Variants in SCAF8 observed in about 807,000 individuals in gnomAD.
The protein encoded by SCAF8 is SR-related and CTD-associated factor 8.
A neutral mutation model predicts 140.5 loss-of-function variants in SCAF8; 23 were observed. That is an observed-to-expected ratio of 0.16 (90% CI 0.12 to 0.23). The LOEUF (loss-of-function observed/expected upper bound fraction) is 0.23, where lower values mean the gene tolerates loss of function less well. Among genes scored for constraint, SCAF8 ranks in the 10% least tolerant of loss-of-function variants. The pLI is 1.00. For synonymous variants in SCAF8, 575 were observed against 528.9 expected (o/e 1.09, Z -1.20); for missense variants, 1,397 against 1,555.7 (o/e 0.90, Z 1.72).
Position 154,748,010 on chromosome 6 carries a change from C to T in SCAF8, c.30+14080C>T, listed in dbSNP as rs932450592. ...TTGAAAGTTGTTTACATTTTAATTG[C>T]AGAGAGGATTCTTGTTGGGAAAGTT... On this transcript the variant is annotated intron_variant, in intron 1 of 19. Transcript: ENST00000367178. Among the ~76,000 whole-genome samples, 5 of 151,216 alleles carry T rather than the reference C, an allele frequency of 3.3e-5. No homozygotes were observed. In the East Asian group the frequency reaches 5.8e-4, roughly 18 times the overall value.
chr6:154,831,166 A>G lies in SCAF8; in HGVS notation c.2359+26A>G, dbSNP rs369956570. The G allele has an allele frequency of 1.1e-5, 16 of 1,408,154 alleles. No homozygotes were observed. The African/African-American group carries it at 2.0e-4, about 18-fold the overall frequency. 87.2% of individuals were successfully genotyped at this position (1,408,154 alleles called of 1,614,324 possible). ...GTAAATAATAATAATAAAATTTAAA[A>G]AAAGAGGTTGCCTCTCTGTATTTGG... On this transcript the variant is annotated intron_variant, in intron 19 of 19. Coordinates refer to ENST00000367178, the MANE Select transcript of SCAF8 (RefSeq NM_014892.5).
chr6:154,765,931 G>A (rs1206200843), intron 1 of SCAF8, among the ~76,000 whole-genome samples: 1 of 152,098 alleles, frequency 6.6e-6, no homozygotes, highest in East Asian at 1.9e-4. Flanking sequence ...CCCCCGTGTA[G>A]CTGAAAATCA....
chr6:154,742,125 A>G lies in SCAF8; in HGVS notation c.30+8195A>G, dbSNP rs1778585265. The G allele has an allele frequency of 1.5e-5, 11 of 717,050 alleles. No individual in the cohort carries two copies. In the South Asian group the frequency reaches 1.8e-4, roughly 12 times the overall value. The allele number at this position is 717,050 out of a possible 1,614,324, so 44.4% of individuals were successfully genotyped here. On this transcript the variant is annotated intron_variant, in intron 1 of 19. Coordinates refer to ENST00000367178, the MANE Select transcript of SCAF8 (RefSeq NM_014892.5). ...ATATGGTTAGTACTTGGGAAGCAGAATGAAGTTTGTCACTTAGAATAGATT... is the reference window on the plus strand; with the variant it reads ...ATATGGTTAGTACTTGGGAAGCAGAGTGAAGTTTGTCACTTAGAATAGATT...
chr6:154,743,357 A>G (rs906469810), intron 1 of SCAF8, among the ~76,000 whole-genome samples: 1 of 152,344 alleles, frequency 6.6e-6, no homozygotes, highest in Middle Eastern at 3.4e-3. Context: ...ATTTCTTGTA[A>G]AATACAGCTT....
At chr6:154,734,143 A>G (rs1206573562) in intron 1 of SCAF8, among the ~76,000 whole-genome samples, 1 of 152,004 alleles carries the variant, frequency 6.6e-6, no homozygotes, top group East Asian at 1.9e-4. Flanking sequence ...CCTGGGGCGG[A>G]GGGAGGTTCT....
intron 1 of SCAF8, among the ~76,000 whole-genome samples, chr6:154,757,157 C>A (rs1778987271): frequency 6.6e-6 from 1 of 152,160 alleles, no homozygotes; most frequent in Non-Finnish European, 1.5e-5. Flanking sequence ...CCACTACGCC[C>A]AGCTAATTTT....
intron 4 of SCAF8, among the ~76,000 whole-genome samples, chr6:154,790,574 A>G (rs898393319): frequency 1.6e-5 from 2 of 123,808 alleles, no homozygotes; most frequent in Non-Finnish European, 3.1e-5. Context: ...GCAGTGGTGT[A>G]ATCTCGGCTC....
chr6:154,799,743 A>G (rs959999309), intron 6 of SCAF8, among the ~76,000 whole-genome samples: 1 of 151,212 alleles, frequency 6.6e-6, no homozygotes, highest in African/African-American at 2.4e-5. Context: ...GTCTTTGTTT[A>G]AATGTCACTT....
intron 1 of SCAF8, among the ~76,000 whole-genome samples, chr6:154,756,720 C>G (rs1778974586): frequency 6.6e-6 from 1 of 152,124 alleles, no homozygotes; most frequent in African/African-American, 2.4e-5. Context: ...GTGAAACATT[C>G]TGTTGCATTG....
chr6:154,816,959 A>G (rs1778267925), intron 13 of SCAF8, among the ~76,000 whole-genome samples: 1 of 152,160 alleles, frequency 6.6e-6, no homozygotes, highest in Non-Finnish European at 1.5e-5. Flanking sequence ...TTGGTTATGG[A>G]TTTCAACTTG....
chr6:154,790,731 C>T (rs757464958), intron 4 of SCAF8, among the ~76,000 whole-genome samples: 47 of 151,928 alleles, frequency 3.1e-4, no homozygotes, highest in Admixed American at 1.2e-3. Flanking sequence ...AAGATGGTCT[C>T]GATCTCCTGA....
intron 3 of SCAF8, among the ~76,000 whole-genome samples, chr6:154,781,770 T>G (rs1027407581): frequency 6.6e-6 from 1 of 152,158 alleles, no homozygotes; most frequent in Non-Finnish European, 1.5e-5. Flanking sequence ...ACCCAGAGTG[T>G]TTTTGTGTGA....
At chr6:154,785,888 A>G (rs1777236873) in intron 3 of SCAF8, among the ~76,000 whole-genome samples, 1 of 152,210 alleles carries the variant, frequency 6.6e-6, no homozygotes, top group Non-Finnish European at 1.5e-5. Context: ...AAAATAAGAA[A>G]TTGGAAATTA....
intron 3 of SCAF8, among the ~76,000 whole-genome samples, chr6:154,780,655 G>C (rs1777059563): frequency 1.3e-5 from 2 of 151,958 alleles, no homozygotes; most frequent in African/African-American, 4.8e-5. Flanking sequence ...AGTTTGCTGA[G>C]GATGATGGCT....
chr6:154,774,943 G>A (rs1014850072), intron 2 of SCAF8, among the ~76,000 whole-genome samples: 1 of 152,048 alleles, frequency 6.6e-6, no homozygotes, highest in Non-Finnish European at 1.5e-5. Flanking sequence ...TCTTAAAATT[G>A]AGAATGAATG....
chr6:154,783,800 G>A (rs1436388564), intron 3 of SCAF8, among the ~76,000 whole-genome samples: 1 of 152,068 alleles, frequency 6.6e-6, no homozygotes, highest in African/African-American at 2.4e-5. Flanking sequence ...AGGTGCAGTG[G>A]CTCACGCCTA....
At chr6:154,808,867 G>T in intron 11 of SCAF8, 69 bp downstream of exon 11, 2 of 1,025,546 alleles carry the variant, frequency 2.0e-6, no homozygotes, top group Middle Eastern at 2.1e-4. Context: ...CTTTGCATCA[G>T]GATGAAAGGA....
chr6:154,752,738 T>C (rs953652718), intron 1 of SCAF8, among the ~76,000 whole-genome samples: 2 of 152,212 alleles, frequency 1.3e-5, no homozygotes, highest in Non-Finnish European at 2.9e-5. Context: ...GTTTGTTTTT[T>C]TGAGATGGAG....
intron 1 of SCAF8, among the ~76,000 whole-genome samples, chr6:154,739,396 A>G (rs1051312168): frequency 5.9e-5 from 9 of 152,244 alleles, no homozygotes; most frequent in Non-Finnish European, 8.8e-5. Flanking sequence ...TTAATATAAT[A>G]AAATACCAAT....
Sources: allele counts gnomAD v4.1 joint callset (sites outside exome capture counted in the v4.1 genomes callset), GRCh38; gene constraint gnomAD v4.1.1; transcripts MANE v1.5; gene names NCBI Gene and HGNC (gene_info 2026-07-23, HGNC 2026-07-21).